SLC26A6: variants seen among roughly 807,000 people sequenced by gnomAD.
SLC26A6 encodes solute carrier family 26 member 6, also known as anion exchange transporter.
SLC26A6 carries 67 observed loss-of-function variants against 87.1 expected under a neutral mutation model. The ratio of observed to expected loss-of-function variants is 0.77; its 90% confidence interval spans 0.63 to 0.94. The LOEUF (loss-of-function observed/expected upper bound fraction) is 0.94. Ranked by LOEUF, SLC26A6 falls within the 40% of genes least tolerant of loss-of-function variation. The pLI is 0.00. For synonymous variants in SLC26A6, 414 were observed against 405.9 expected (o/e 1.02, Z -0.24); for missense variants, 902 against 973.0 (o/e 0.93, Z 0.97).
chr3:48,629,125 GC>G (rs2046708726), intron 14 of SLC26A6, among the ~76,000 whole-genome samples: 1 of 152,156 alleles, frequency 6.6e-6, no homozygotes. Flanking sequence ...GGGCTGGGCT[GC>G]CCCCTCATCC....
chr3:48,633,218 G>T (rs1481949973), intron 3 of SLC26A6, 33 bp downstream of exon 3: 2 of 1,604,940 alleles, frequency 1.2e-6, no homozygotes, highest in South Asian at 2.2e-5. Flanking sequence ...CAGACCACAG[G>T]GTTTCCAGGC....
At chr3:48,631,423 A>G in intron 7 of SLC26A6, 117 bp from the exon 8 acceptor site, 1 of 1,236,980 alleles carries the variant, frequency 8.1e-7, no homozygotes, top group Non-Finnish European at 1.1e-6. Context: ...AGGGTGGGAA[A>G]AAGTCACGTA....
chr3:48,626,578 A>G, intron 19 of SLC26A6, 53 bp downstream of exon 19: 2 of 1,612,376 alleles, frequency 1.2e-6, no homozygotes, highest in Admixed American at 1.7e-5. Context: ...CCCCTTGGCC[A>G]AAAGTATCCT....
At position 48,625,799 on chromosome 3, in the gene SLC26A6, A is replaced by T. The variant is rs1302756308; in HGVS notation, c.*187T>A. 4 of 679,168 alleles carry T rather than the reference A, an allele frequency of 5.9e-6. No homozygotes were observed. The East Asian group carries it at 8.0e-5, about 14-fold the overall frequency. The allele number at this position is 679,168 out of a possible 1,614,324, so 42.1% of individuals were successfully genotyped here. A position where few individuals can be genotyped will look rare whatever the true frequency, so the allele number is the denominator to read the frequency against. ...CCTGTACCGCGCCACTGCCAGCCTG[A>T]CTGCATGCAGGCCCTGTCCCAGACC... On this transcript the variant is annotated 3_prime_UTR_variant, in exon 21 of 21. Coordinates refer to ENST00000395550, the MANE Select transcript of SLC26A6 (RefSeq NM_022911.3). This position sits in a 1 kb window ranked among gnomAD's most constrained non-coding sequence, Gnocchi z 4.7.
At chr3:48,632,086 G>A (rs903703293) in intron 5 of SLC26A6, 42 bp from the exon 6 acceptor site, 2 of 1,609,454 alleles carry the variant, frequency 1.2e-6, no homozygotes, top group African/African-American at 2.7e-5. Flanking sequence ...CAGGGGTCCT[G>A]GGGTTGCTAA....
At chr3:48,634,497 A>G (rs2046899060) in intron 1 of SLC26A6, among the ~76,000 whole-genome samples, 2 of 152,220 alleles carry the variant, frequency 1.3e-5, no homozygotes, top group African/African-American at 2.4e-5. Context: ...GAAAAGACCT[A>G]GAGGGAGAGG....
Position 48,628,349 on chromosome 3 carries a change from G to A in SLC26A6, c.1800+85C>T, listed in dbSNP as rs972394817. 1.7e-4 allele frequency: 271 copies of A among 1,553,764 alleles called. No individual in the cohort carries two copies. Among genetic ancestry groups the A allele is most frequent in the Admixed American group, 2.7e-4 (16 of 58,202 alleles). ...AGGGGAAGGGATGAGGAGTGAGGAC[G>A]AGGGAGGAGTCGGGGGCCAGGAGAA... is the stretch of plus-strand genomic sequence containing the variant. On this transcript the variant is annotated intron_variant, in intron 16 of 20. Coordinates refer to ENST00000395550, the MANE Select transcript of SLC26A6 (RefSeq NM_022911.3). The surrounding 1 kb of genome is among the most constrained non-coding windows in gnomAD (Gnocchi z 4.4).
In SLC26A6 at chr3:48,626,897, C is replaced by G. The variant is rs2046640037; in HGVS notation, c.2052G>C (p.Val684=). 6 of 1,613,748 alleles carry G rather than the reference C, an allele frequency of 3.7e-6. No individual in the cohort carries two copies. ...DLGALSFVDT[V]CLKSLKNIFH... ...TTACATTCTTCAGGCTCTTGAGGCA[C>G]ACAGTGTCCACAAAGGAGAGGGCAC... Residue 684 remains valine (V), a synonymous_variant, in exon 18 of 21, where the codon GTG becomes GTC. Transcript: ENST00000395550.
At position 48,628,635 on chromosome 3, in the gene SLC26A6, G is replaced by A. The variant is rs746377828; in HGVS notation, c.1679C>T (p.Ala560Val). ...YFANAEFYSDALKQRCGVDVD... is the reference protein window; with the variant it reads ...YFANAEFYSDVLKQRCGVDVD... Reference sequence around the variant, plus strand: ...ACTCCGTCTCACCCTCTGCTTCAGCGCATCACTGTAGAACTCAGCATTGGC... The same window carrying A: ...ACTCCGTCTCACCCTCTGCTTCAGCACATCACTGTAGAACTCAGCATTGGC... The change falls in exon 15 of 21, where the codon GCG becomes GTG. Residue 560 changes from alanine (A) to valine (V), a missense_variant. Coordinates refer to ENST00000395550, the MANE Select transcript of SLC26A6 (RefSeq NM_022911.3). The surrounding 1 kb of genome is among the most constrained non-coding windows in gnomAD (Gnocchi z 4.4). The A allele has an allele frequency of 2.0e-5, 33 of 1,613,718 alleles. No homozygotes were observed. The highest frequency in any genetic ancestry group is 2.5e-5 in the Non-Finnish European group (30 of 1,179,964).
In SLC26A6 at chr3:48,631,290, C is replaced by T; in HGVS notation, c.920G>A (p.Gly307Asp). 6.3e-7 allele frequency: 1 copy of T among 1,599,280 alleles called. No homozygotes were observed. Among genetic ancestry groups the T allele is most frequent in the South Asian group, 1.1e-5 (1 of 88,682 alleles). The part of the protein sequence containing the change: ...GELLTLIGAT[G>D]ISYGMGLKHR... The stretch of plus-strand genomic sequence containing the variant: ...CTTTAGACCCATGCCATAGGAGATG[C>T]CTGTGGCCCCGATGAGCTGTGGGAG... Residue 307 changes from glycine (G) to aspartate (D), a missense_variant, in exon 8 of 21, where the codon GGC (glycine) becomes GAC (aspartate). Physicochemically the swap from Gly to Asp is moderately conservative, Grantham distance 94. This residue lies in a region of SLC26A6 where 800 missense variants were observed against 856.8 expected (regional missense o/e 0.93). Transcript: ENST00000395550.
At position 48,628,998 on chromosome 3, in the gene SLC26A6, GTTT is replaced by G. The variant is rs1442931244; in HGVS notation, c.1600-287_1600-285del. 6.6e-6 allele frequency among the ~76,000 whole-genome samples: 1 copy of G among 152,084 alleles called. No individual in the cohort carries two copies. Among genetic ancestry groups the G allele is most frequent in the Non-Finnish European group, 1.5e-5 (1 of 68,016 alleles). On this transcript the variant is annotated intron_variant, in intron 14 of 20. Coordinates refer to ENST00000395550, the MANE Select transcript of SLC26A6 (RefSeq NM_022911.3). This position sits in a 1 kb window ranked among gnomAD's most constrained non-coding sequence, Gnocchi z 4.4. ...GTTTCCAACCCCTGCCTTGTGTTCT[GTTT>G]TCTGCACCCAGACAGAGGTCCTCCT...
chr3:48,632,996 G>A lies in SLC26A6; in HGVS notation c.411C>T (p.Gly137=), dbSNP rs780931070. The A allele has an allele frequency of 8.7e-6, 14 of 1,613,386 alleles. No individual in the cohort carries two copies. In the Admixed American group the frequency reaches 1.2e-4, roughly 13 times the overall value. Residue 137 remains glycine, a synonymous_variant, in exon 4 of 21, where the codon GGC becomes GGT. Coordinates refer to ENST00000395550, the MANE Select transcript of SLC26A6 (RefSeq NM_022911.3). The part of the protein sequence containing the change: ...FYPVFIYFLF[G]TSRHISVGTF... ...TACCCACGGAGATGTGCCGGGAAGTGCCAAACAGGAAGTAGATGAAGACAG... is the reference window on the plus strand; with the variant it reads ...TACCCACGGAGATGTGCCGGGAAGTACCAAACAGGAAGTAGATGAAGACAG...
rs1291880440 is a variant in SLC26A6 at position 48,631,287 on chromosome 3, A to G, written c.923T>C (p.Ile308Thr). ...ELLTLIGATG[I>T]SYGMGLKHRF... is the part of the protein sequence containing the mutation. ...GTGCTTTAGACCCATGCCATAGGAG[A>G]TGCCTGTGGCCCCGATGAGCTGTGG... is the stretch of plus-strand genomic sequence containing the variant. The change falls in exon 8 of 21, where the codon ATC becomes ACC. Residue 308 changes from isoleucine (I) to threonine (T), a missense_variant. This residue lies in a region of SLC26A6 where 800 missense variants were observed against 856.8 expected (regional missense o/e 0.93). Transcript: ENST00000395550. The G allele has an allele frequency of 2.5e-6, 4 of 1,602,462 alleles. No individual in the cohort carries two copies. In the African/African-American group the frequency reaches 5.4e-5, roughly 21 times the overall value.
rs2046824504 is a variant in SLC26A6, at chr3:48,632,252, A to G, written c.578T>C (p.Leu193Pro). The G allele has an allele frequency of 7.5e-6, 12 of 1,600,334 alleles. No homozygotes were observed. Among genetic ancestry groups the G allele is most frequent in the Non-Finnish European group, 9.4e-6 (11 of 1,173,072 alleles). The change falls in exon 5 of 21, where the codon CTC becomes CCC. Residue 193 changes from leucine to proline, a missense_variant. By Grantham distance (98) the Leu-to-Pro change is moderately conservative. Transcript: ENST00000395550. ...CTCCTGACTGTTCCACACCTGGAAG[A>G]GGCCAACCAGGACACTGAGTGTGGA... ...VASTLSVLVG[L>P]FQVGLGLIHF...
chr3:48,632,800 T>C (rs752516586), intron 4 of SLC26A6, 174 bp downstream of exon 4: 23 of 711,002 alleles, frequency 3.2e-5, no homozygotes, highest in African/African-American at 1.8e-4. Flanking sequence ...GCCTCTGTGG[T>C]CCTACAGTCA....
intron 5 of SLC26A6, 89 bp downstream of exon 5, chr3:48,632,156 C>G: frequency 6.3e-7 from 1 of 1,576,508 alleles, no homozygotes; most frequent in African/African-American, 1.3e-5. Context: ...AGGAGGACGA[C>G]GATGGTCAGA....
rs1007134168 is a variant in SLC26A6 at position 48,630,479 on chromosome 3, T to C, written c.1285A>G (p.Ile429Val). ...GAISSLFILL[I>V]IVKLGELFHD... is the part of the protein sequence containing the mutation. Reference sequence around the variant, plus strand: ...AAGAGTTCCCCAAGTTTGACAATGATGAGGAGGATGAAAAGGGAAGAGATG... The same window carrying C: ...AAGAGTTCCCCAAGTTTGACAATGACGAGGAGGATGAAAAGGGAAGAGATG... The change falls in exon 11 of 21, where the codon ATC (isoleucine) becomes GTC (valine). Residue 429 changes from isoleucine to valine, a missense_variant. Physicochemically the swap from Ile to Val is conservative, Grantham distance 29. Transcript: ENST00000395550. 1.3e-6 allele frequency: 2 copies of C among 1,560,920 alleles called. No individual in the cohort carries two copies. Among genetic ancestry groups the C allele is most frequent in the African/African-American group, 1.4e-5 (1 of 73,296 alleles).
At chr3:48,627,386 C>A (rs1445565376) in intron 17 of SLC26A6, 12 of 309,730 alleles carry the variant, frequency 3.9e-5, no homozygotes. Flanking sequence ...TAGACACGGG[C>A]ATCCACATGA....
At chr3:48,626,738 G>C in intron 18 of SLC26A6, 53 bp from the exon 19 acceptor site, 2 of 1,612,672 alleles carry the variant, frequency 1.2e-6, no homozygotes, top group Non-Finnish European at 8.5e-7. Flanking sequence ...ACTCAGAGGG[G>C]GGCTCGGGCA....
Sources: allele counts gnomAD v4.1 joint callset (sites outside exome capture counted in the v4.1 genomes callset), GRCh38; gene constraint gnomAD v4.1.1; regional missense constraint gnomAD v4.1.1; non-coding constraint Gnocchi (gnomAD v3.1); transcripts MANE v1.5; gene names NCBI Gene and HGNC (gene_info 2026-07-23, HGNC 2026-07-21).